BNC2: variants seen among roughly 807,000 people sequenced by gnomAD.
BNC2 encodes the protein basonuclin zinc finger protein 2, also known as zinc finger protein basonuclin-2.
In BNC2, 20 loss-of-function variants were observed where a neutral mutation model predicts 76.3. That is an observed-to-expected ratio of 0.26 (90% CI 0.18 to 0.38). BNC2 has a LOEUF of 0.38. Ranked by LOEUF, BNC2 falls within the 10% of genes least tolerant of loss-of-function variation. BNC2 has a pLI of 1.00. For synonymous variants in BNC2, 582 were observed against 514.8 expected (o/e 1.13, Z -1.77); for missense variants, 1,382 against 1,399.8 (o/e 0.99, Z 0.20).
At position 16,715,279 on chromosome 9, in the gene BNC2, A is replaced by G. The variant is rs115514696; in HGVS notation, c.330+12518T>C. ...TTTTTTTGTTTTGCCCACACAGGTG[A>G]TTTTTCTTTAAATGTGGGTCATAAG... On this transcript the variant is annotated intron_variant, in intron 3 of 6. Transcript: ENST00000380672. 2.5e-3 allele frequency among the ~76,000 whole-genome samples: 384 copies of G among 152,244 alleles called. 3 individuals are homozygous for G. The highest frequency in any genetic ancestry group is 8.6e-3 in the African/African-American group (356 of 41,546).
At chr9:16,444,385 T>C (rs1158203048) in intron 5 of BNC2, among the ~76,000 whole-genome samples, 2 of 152,158 alleles carry the variant, frequency 1.3e-5, no homozygotes, top group Non-Finnish European at 2.9e-5. Flanking sequence ...AGGTATGTGC[T>C]ATGCACACAC....
At chr9:16,731,877 T>C (rs1427178070) in intron 2 of BNC2, among the ~76,000 whole-genome samples, 3 of 152,138 alleles carry the variant, frequency 2.0e-5, no homozygotes, top group African/African-American at 4.8e-5. Flanking sequence ...AAAGTTGTAA[T>C]TGCAGGAAAA....
intron 1 of BNC2, among the ~76,000 whole-genome samples, chr9:16,856,563 T>C (rs138108787): frequency 7.2e-5 from 11 of 152,254 alleles, no homozygotes; most frequent in Admixed American, 6.5e-4. Flanking sequence ...CATGCACCAC[T>C]GCACCCAGCC....
chr9:16,449,062 C>G (rs368906156), intron 5 of BNC2, among the ~76,000 whole-genome samples: 1 of 152,068 alleles, frequency 6.6e-6, no homozygotes, highest in Non-Finnish European at 1.5e-5. Flanking sequence ...ACAGAATAAT[C>G]AGAGTAAACA....
intron 3 of BNC2, among the ~76,000 whole-genome samples, chr9:16,696,352 C>A (rs1393384557): frequency 6.6e-6 from 1 of 152,102 alleles, no homozygotes; most frequent in Non-Finnish European, 1.5e-5. Flanking sequence ...TATTTTATGT[C>A]TCTTGCATAC....
At chr9:16,857,105 A>G (rs939091929) in intron 1 of BNC2, among the ~76,000 whole-genome samples, 2 of 152,222 alleles carry the variant, frequency 1.3e-5, no homozygotes, top group Admixed American at 1.3e-4. Flanking sequence ...TATGAATAAA[A>G]TGTGTCAATT....
intron 5 of BNC2, among the ~76,000 whole-genome samples, chr9:16,518,582 TTTGTTG>T (rs200405758): frequency 7.3e-6 from 1 of 137,700 alleles, no homozygotes; most frequent in Non-Finnish European, 1.5e-5. Flanking sequence ...ATATATATTT[TTTGTTG>T]TTGTTGTTGT....
At chr9:16,824,718 C>T (rs541618711) in intron 1 of BNC2, among the ~76,000 whole-genome samples, 34 of 152,286 alleles carry the variant, frequency 2.2e-4, no homozygotes, top group Admixed American at 7.8e-4. Context: ...AAACATACCT[C>T]TGAAAAAAGT....
intron 1 of BNC2, among the ~76,000 whole-genome samples, chr9:16,856,984 C>T (rs139062249): frequency 1.3e-5 from 2 of 152,094 alleles, no homozygotes; most frequent in Admixed American, 6.5e-5. Flanking sequence ...ACATAAGATG[C>T]CAAATAATAG....
At chr9:16,777,213 G>T (rs921259238) in intron 1 of BNC2, among the ~76,000 whole-genome samples, 2 of 151,756 alleles carry the variant, frequency 1.3e-5, no homozygotes, top group Non-Finnish European at 2.9e-5. Flanking sequence ...GGCAGACAAA[G>T]GCAAGAAGAG....
chr9:16,436,848 G>A lies in BNC2; in HGVS notation c.1346C>T (p.Thr449Ile). Residue 449 changes from threonine (T) to isoleucine (I), a missense_variant, in exon 6 of 7, where the codon ACA becomes ATA. Physicochemically the swap from Thr to Ile is moderately conservative, Grantham distance 89 (BLOSUM62 -1). This residue lies in a region of BNC2 where 27 missense variants were observed against 83.4 expected (regional missense o/e 0.32). Coordinates refer to ENST00000380672, the MANE Select transcript of BNC2 (RefSeq NM_017637.6). Reference protein sequence around the residue: ...GRVFCNACGKTFYDKGTLKIH... With the variant: ...GRVFCNACGKIFYDKGTLKIH... ...TTTGAGAGTACCTTTGTCATAGAAT[G>A]TCTTCCCACATGCATTACAGAACAC... 1 of 1,614,090 alleles carries A rather than the reference G, an allele frequency of 6.2e-7. No homozygotes were observed. The highest frequency in any genetic ancestry group is 8.5e-7 in the Non-Finnish European group (1 of 1,180,022).
intron 1 of BNC2, among the ~76,000 whole-genome samples, chr9:16,847,119 T>C (rs971381994): frequency 6.6e-6 from 1 of 152,146 alleles, no homozygotes; most frequent in East Asian, 1.9e-4. Flanking sequence ...TGTGAAGATG[T>C]ATGCTGCGGT....
At position 16,436,043 on chromosome 9, in the gene BNC2, T is replaced by C; in HGVS notation, c.2151A>G (p.Glu717=). ...ACTCGTTCTCATAGTCCCGCTCAGGTTCTTGGTCTTCAGAAGTCATGCTGT... is the reference window on the plus strand; with the variant it reads ...ACTCGTTCTCATAGTCCCGCTCAGGCTCTTGGTCTTCAGAAGTCATGCTGT... ...RADSMTSEDQ[E]PERDYENESE... Residue 717 remains glutamate, a synonymous_variant, in exon 6 of 7, where the codon GAA becomes GAG. Coordinates refer to ENST00000380672, the MANE Select transcript of BNC2 (RefSeq NM_017637.6). 3 of 1,614,130 alleles carry C rather than the reference T, an allele frequency of 1.9e-6. No homozygotes were observed. The highest frequency in any genetic ancestry group is 2.5e-6 in the Non-Finnish European group (3 of 1,180,026).
intron 5 of BNC2, among the ~76,000 whole-genome samples, chr9:16,497,419 C>G (rs1375864333): frequency 6.6e-6 from 1 of 152,140 alleles, no homozygotes; most frequent in Admixed American, 6.5e-5. Flanking sequence ...AGACCATGCC[C>G]TTTGACATAT....
intron 1 of BNC2, among the ~76,000 whole-genome samples, chr9:16,770,474 T>C (rs1480420522): frequency 6.6e-6 from 1 of 152,206 alleles, no homozygotes; most frequent in East Asian, 1.9e-4. Flanking sequence ...GACAGGCTTC[T>C]GAAGCCAGAA....
intron 5 of BNC2, among the ~76,000 whole-genome samples, chr9:16,449,082 T>C (rs6475055): frequency 0.11 from 16,739 of 152,162 alleles, 2,662 homozygotes; most frequent in African/African-American, 0.35. Flanking sequence ...AATCAATATA[T>C]GTTACTATAA....
chr9:16,485,622 C>A (rs1012581294), intron 5 of BNC2, among the ~76,000 whole-genome samples: 1 of 152,158 alleles, frequency 6.6e-6, no homozygotes, highest in African/African-American at 2.4e-5. Context: ...AAAGCACATT[C>A]TAGCCTGAGC....
intron 5 of BNC2, among the ~76,000 whole-genome samples, chr9:16,438,210 C>T (rs1347330584): frequency 6.6e-6 from 1 of 151,850 alleles, no homozygotes; most frequent in Non-Finnish European, 1.5e-5. Context: ...TTGTACTTTT[C>T]CTGAAAATTG....
chr9:16,595,983 G>A (rs957735738), intron 3 of BNC2, among the ~76,000 whole-genome samples: 7 of 152,056 alleles, frequency 4.6e-5, no homozygotes, highest in Non-Finnish European at 8.8e-5. Context: ...AACATAATGG[G>A]CTATAACAGC....
Sources: allele counts gnomAD v4.1 joint callset (sites outside exome capture counted in the v4.1 genomes callset), GRCh38; gene constraint gnomAD v4.1.1; regional missense constraint gnomAD v4.1.1; transcripts MANE v1.5; gene names NCBI Gene and HGNC (gene_info 2026-07-23, HGNC 2026-07-21).